EIF5A2: variants seen among roughly 807,000 people sequenced by gnomAD.
EIF5A2 encodes the protein eukaryotic translation initiation factor 5A2.
In EIF5A2, 15 loss-of-function variants were observed where a neutral mutation model predicts 16.4. The ratio of observed to expected loss-of-function variants is 0.92; its 90% CI spans 0.61 to 1.41. The LOEUF is 1.41. Ranked by LOEUF, EIF5A2 falls within the 40% of genes most tolerant of loss-of-function variation. EIF5A2 has a pLI of 0.00. For synonymous variants in EIF5A2, 48 were observed against 61.1 expected, an observed-to-expected ratio of 0.79 and a Z score of 1.00; for missense variants, 144 against 189.5, an observed-to-expected ratio of 0.76 and a Z score of 1.41.
intron 3 of EIF5A2, among the ~76,000 whole-genome samples, chr3:170,901,168 G>T (rs1712804329): frequency 6.6e-6 from 1 of 152,176 alleles, no homozygotes; most frequent in East Asian, 1.9e-4. Flanking sequence ...GTCTACAGAA[G>T]AAATGATCCA....
intron 3 of EIF5A2, among the ~76,000 whole-genome samples, chr3:170,898,802 A>G (rs931175241): frequency 4.0e-5 from 6 of 151,868 alleles, no homozygotes; most frequent in African/African-American, 1.5e-4. Context: ...ACATTTAATC[A>G]CATGTGCACT....
At chr3:170,901,535 A>G (rs1369967045) in intron 3 of EIF5A2, among the ~76,000 whole-genome samples, 1 of 151,840 alleles carries the variant, frequency 6.6e-6, no homozygotes, top group African/African-American at 2.4e-5. Context: ...AAGGCTGGAG[A>G]AGGTATATTA....
intron 3 of EIF5A2, among the ~76,000 whole-genome samples, chr3:170,900,366 CAAAAA>C: frequency 1.6e-5 from 1 of 64,154 alleles, no homozygotes; most frequent in African/African-American, 6.1e-5. Context: ...GACTCCATCT[CAAAAA>C]AAAAAAAAAA....
chr3:170,897,807 A>G (rs148869682), intron 3 of EIF5A2, among the ~76,000 whole-genome samples: 133 of 152,290 alleles, frequency 8.7e-4, no homozygotes, highest in Middle Eastern at 6.8e-3. Context: ...AAGGGGGGTC[A>G]CCATCTTCTA....
At position 170,899,830 on chromosome 3, in the gene EIF5A2, G is replaced by A. The variant is rs539345933; in HGVS notation, c.271-5407C>T. On this transcript the variant is annotated intron_variant, in intron 3 of 4. Coordinates refer to ENST00000295822, the MANE Select transcript of EIF5A2 (RefSeq NM_020390.6). The stretch of plus-strand genomic sequence containing the variant: ...TCAAAGGCCTCTCTGACTCCATAGA[G>A]TTGGAAGGTGGGGATGGTAAGGAAA... Among the ~76,000 whole-genome samples the A allele has an allele frequency of 2.4e-4, 37 of 152,114 alleles. No homozygotes were observed. In the South Asian group the frequency reaches 6.2e-3, roughly 26 times the overall value.
At position 170,907,753 on chromosome 3, in the gene EIF5A2, G is replaced by A. The variant is rs756540332; in HGVS notation, c.54C>T (p.Tyr18=). The change falls in exon 2 of 5, where the codon TAC becomes TAT. Residue 18 remains tyrosine (Y), a synonymous_variant. Coordinates refer to ENST00000295822, the MANE Select transcript of EIF5A2 (RefSeq NM_020390.6). ...TGCGCAAGGCCGAGCACTGCATAGG[G>A]TAAGTGCTGGAAGCCCCGGCATCTC... ...TTGDAGASST[Y]PMQCSALRKN... is the part of the protein sequence containing the mutation. 17 of 1,593,914 alleles carry A rather than the reference G, an allele frequency of 1.1e-5. No individual in the cohort carries two copies. In the Admixed American group the frequency reaches 2.5e-4, roughly 24 times the overall value.
rs1477528845 is a variant in EIF5A2 at position 170,891,072 on chromosome 3, A to G, written c.*2288T>C. 3 of 152,542 alleles carry G rather than the reference A, an allele frequency of 2.0e-5. No individual in the cohort carries two copies. The highest frequency in any genetic ancestry group is 4.4e-5 in the Non-Finnish European group (3 of 68,000). 9.4% of individuals were successfully genotyped at this position (152,542 alleles called of 1,614,324 possible). On this transcript the variant is annotated 3_prime_UTR_variant, in exon 5 of 5. Coordinates refer to ENST00000295822, the MANE Select transcript of EIF5A2 (RefSeq NM_020390.6). ...AGAGATGCATTATTATAATTTGTACACCCTTAATTTGTACACAATTGAAAA... is the reference window on the plus strand; with the variant it reads ...AGAGATGCATTATTATAATTTGTACGCCCTTAATTTGTACACAATTGAAAA...
chr3:170,901,616 T>C (rs1712816875), intron 3 of EIF5A2, among the ~76,000 whole-genome samples: 3 of 151,068 alleles, frequency 2.0e-5, no homozygotes, highest in Admixed American at 2.0e-4. Context: ...TGGAGTGCAG[T>C]GGCGCAATCT....
intron 3 of EIF5A2, among the ~76,000 whole-genome samples, chr3:170,897,999 T>C (rs1428007168): frequency 1.3e-5 from 2 of 152,180 alleles, no homozygotes; most frequent in Admixed American, 6.5e-5. Context: ...GGAGATTATT[T>C]TGGAGCTTTA....
intron 3 of EIF5A2, among the ~76,000 whole-genome samples, chr3:170,896,084 C>T (rs1421337980): frequency 4.6e-5 from 7 of 152,100 alleles, no homozygotes; most frequent in Non-Finnish European, 1.0e-4. Flanking sequence ...GTTAAATGTT[C>T]GTACTGTGCC....
intron 3 of EIF5A2, among the ~76,000 whole-genome samples, chr3:170,905,868 G>C (rs932776035): frequency 2.6e-5 from 4 of 152,014 alleles, no homozygotes; most frequent in Non-Finnish European, 4.4e-5. Context: ...GACAGAACTA[G>C]ATCCAAACCC....
At chr3:170,899,476 A>G (rs896025726) in intron 3 of EIF5A2, among the ~76,000 whole-genome samples, 12 of 151,934 alleles carry the variant, frequency 7.9e-5, no homozygotes, top group Non-Finnish European at 1.5e-4. Flanking sequence ...GCTGGTCTCA[A>G]ACTCCTGGGG....
In EIF5A2 at chr3:170,888,649, T is replaced by C. The variant is rs1386679101; in HGVS notation, c.*4711A>G. ...AAGTTTTAGCGAAAACATTTGAGTT[T>C]CTGCAGGTAAAAGCAATAGTTCTCC... On this transcript the variant is annotated 3_prime_UTR_variant, in exon 5 of 5. Transcript: ENST00000295822. 6.6e-6 allele frequency: 1 copy of C among 152,576 alleles called. No homozygotes were observed. The highest frequency in any genetic ancestry group is 2.4e-5 in the African/African-American group (1 of 41,454). The allele number at this position is 152,576 out of a possible 1,614,324, so 9.5% of individuals were successfully genotyped here.
At chr3:170,893,479 T>C in intron 4 of EIF5A2, 60 bp from the exon 5 acceptor site, 1 of 1,558,934 alleles carries the variant, frequency 6.4e-7, no homozygotes, top group East Asian at 2.3e-5. Flanking sequence ...GAAGATATAA[T>C]TAGTTCCTCA....
At chr3:170,893,817 G>A (rs1209448424) in intron 4 of EIF5A2, among the ~76,000 whole-genome samples, 1 of 152,190 alleles carries the variant, frequency 6.6e-6, no homozygotes. Flanking sequence ...GGGATCACCT[G>A]AGGTCAGGAG....
At chr3:170,906,175 T>C (rs556297089) in intron 3 of EIF5A2, among the ~76,000 whole-genome samples, 8 of 152,304 alleles carry the variant, frequency 5.3e-5, no homozygotes, top group East Asian at 3.9e-4. Flanking sequence ...TTTTTCACTA[T>C]GTAAAATGAG....
chr3:170,903,680 C>T (rs1196425806), intron 3 of EIF5A2, among the ~76,000 whole-genome samples: 2 of 152,132 alleles, frequency 1.3e-5, no homozygotes, highest in Non-Finnish European at 2.9e-5. Flanking sequence ...TATAAAAAGA[C>T]TTTAAGCTCA....
rs571042488 is a variant in EIF5A2, at chr3:170,889,301, A to G, written c.*4059T>C. 55 of 152,616 alleles carry G rather than the reference A, an allele frequency of 3.6e-4. No homozygotes were observed. Among genetic ancestry groups the G allele is most frequent in the African/African-American group, 1.3e-3 (52 of 41,572 alleles). The allele number at this position is 152,616 out of a possible 1,614,324, so 9.5% of individuals were successfully genotyped here. On this transcript the variant is annotated 3_prime_UTR_variant, in exon 5 of 5. Coordinates refer to ENST00000295822, the MANE Select transcript of EIF5A2 (RefSeq NM_020390.6). Reference sequence around the variant, plus strand: ...GTTTAATGGAAAAACATTAAATTACATATTGGCTTCAAGCCATGTTCCCAT... The same window carrying G: ...GTTTAATGGAAAAACATTAAATTACGTATTGGCTTCAAGCCATGTTCCCAT...
At chr3:170,896,192 A>C (rs1712666303) in intron 3 of EIF5A2, among the ~76,000 whole-genome samples, 1 of 152,250 alleles carries the variant, frequency 6.6e-6, no homozygotes. Context: ...TAAGAATCAT[A>C]AACTGTGGAA....
Sources: allele counts gnomAD v4.1 joint callset (sites outside exome capture counted in the v4.1 genomes callset), GRCh38; gene constraint gnomAD v4.1.1; transcripts MANE v1.5; gene names NCBI Gene and HGNC (gene_info 2026-07-23, HGNC 2026-07-21).